The following DNAAF9 variants were observed in gnomAD, a reference collection of about 807,000 sequenced individuals.
The protein encoded by DNAAF9 is dynein axonemal assembly factor 9.
In DNAAF9, 90 loss-of-function variants were observed where a neutral mutation model predicts 167.0. The observed-to-expected ratio is 0.54, with a 90% CI of 0.45 to 0.64. DNAAF9 has a LOEUF of 0.64. DNAAF9 is among the 30% of genes least tolerant of loss of function. The pLI, the probability that DNAAF9 is intolerant of heterozygous loss-of-function variation, is 0.00. For synonymous variants in DNAAF9, 491 were observed against 508.8 expected (o/e 0.96, Z 0.47); for missense variants, 1,315 against 1,442.2 (o/e 0.91, Z 1.43).
chr20:3,393,650 G>C (rs2083859871), intron 1 of DNAAF9, among the ~76,000 whole-genome samples: 1 of 152,194 alleles, frequency 6.6e-6, no homozygotes, highest in Admixed American at 6.5e-5. Context: ...CAATGCTACG[G>C]TGAGCAACCT....
chr20:3,326,887 T>A (rs1055673748), intron 12 of DNAAF9, among the ~76,000 whole-genome samples: 3 of 152,140 alleles, frequency 2.0e-5, no homozygotes, highest in African/African-American at 7.2e-5. Flanking sequence ...AATAAAACTG[T>A]GTAGACTCCT....
At chr20:3,343,907 G>C (rs1212737989) in intron 8 of DNAAF9, among the ~76,000 whole-genome samples, 176 bp from the exon 9 acceptor site, 1 of 152,058 alleles carries the variant, frequency 6.6e-6, no homozygotes, top group Non-Finnish European at 1.5e-5. Flanking sequence ...CAGAAAGGGA[G>C]AGATGTTTGT....
intron 10 of DNAAF9, among the ~76,000 whole-genome samples, chr20:3,335,419 T>G (rs2069918365): frequency 6.6e-6 from 1 of 152,196 alleles, no homozygotes. Flanking sequence ...GCCACTTCCT[T>G]CTGGCCTTCA....
chr20:3,270,136 C>CTTT (rs56942768), intron 30 of DNAAF9, among the ~76,000 whole-genome samples: 1,777 of 125,418 alleles, frequency 0.014, 40 homozygotes, highest in African/African-American at 0.037. Context: ...GCCCAGCCTG[C>CTTT]TTTTTTTTTT....
chr20:3,400,159 T>C (rs975773221), intron 1 of DNAAF9, among the ~76,000 whole-genome samples: 1 of 152,254 alleles, frequency 6.6e-6, no homozygotes, highest in African/African-American at 2.4e-5. Context: ...CTGTTCTTTG[T>C]AAAGTCAGTT....
intron 20 of DNAAF9, among the ~76,000 whole-genome samples, chr20:3,307,369 T>C (rs115590059): frequency 5.3e-5 from 8 of 152,270 alleles, no homozygotes; most frequent in South Asian, 4.1e-4. Flanking sequence ...ACTCTGCCAT[T>C]ATTCTCAGAG....
At chr20:3,284,271 C>T (rs2122875017) in intron 27 of DNAAF9, among the ~76,000 whole-genome samples, 1 of 151,090 alleles carries the variant, frequency 6.6e-6, no homozygotes, top group East Asian at 2.0e-4. Context: ...AACTCTGCCT[C>T]CCAGGCTCAA....
chr20:3,346,819 T>C (rs1029004712), intron 8 of DNAAF9, among the ~76,000 whole-genome samples: 8 of 151,952 alleles, frequency 5.3e-5, no homozygotes, highest in Non-Finnish European at 1.0e-4. Context: ...AGAATCATAG[T>C]AATAGAAGAA....
chr20:3,294,580 C>T lies in DNAAF9; in HGVS notation c.2068G>A (p.Glu690Lys), dbSNP rs759067807. The change falls in exon 24 of 37, where the codon GAG (glutamate) becomes AAG (lysine). Residue 690 changes from glutamate to lysine, a missense_variant. Glu to Lys is a moderately conservative substitution (Grantham distance 56). This residue lies in a region of DNAAF9 where 981 missense variants were observed against 1,012.5 expected (regional missense o/e 0.97). Coordinates refer to ENST00000252032, the MANE Select transcript of DNAAF9 (RefSeq NM_001009984.3). The stretch of plus-strand genomic sequence containing the variant: ...AGTAACTTTAGGGAACTCCGTTTCT[C>T]CCCAGCAGGCTGGCTCAGGGCACTG... ...LFSALSQPAG[E>K]KRSSLKLLSA... 1 of 1,613,910 alleles carries T rather than the reference C, an allele frequency of 6.2e-7. No individual in the cohort carries two copies. Among genetic ancestry groups the T allele is most frequent in the Non-Finnish European group, 8.5e-7 (1 of 1,179,798 alleles).
At chr20:3,366,664 C>A (rs192023408) in intron 6 of DNAAF9, among the ~76,000 whole-genome samples, 1 of 152,190 alleles carries the variant, frequency 6.6e-6, no homozygotes, top group Non-Finnish European at 1.5e-5. Flanking sequence ...GTGGCTCACA[C>A]ATGTAATCCC....
At chr20:3,311,718 A>G (rs1459120393) in intron 20 of DNAAF9, among the ~76,000 whole-genome samples, 1 of 152,244 alleles carries the variant, frequency 6.6e-6, no homozygotes, top group Non-Finnish European at 1.5e-5. Flanking sequence ...TTATGATTCT[A>G]TTTGTATTAA....
intron 10 of DNAAF9, 43 bp downstream of exon 10, chr20:3,340,461 T>A: frequency 4.0e-6 from 1 of 252,700 alleles, no homozygotes; most frequent in Non-Finnish European, 7.2e-6. Flanking sequence ...CCCCACAACT[T>A]GATAATAAAA....
chr20:3,384,560 T>C (rs1307285706), intron 1 of DNAAF9: 1 of 149,454 alleles, frequency 6.7e-6, no homozygotes, highest in African/African-American at 2.5e-5. Flanking sequence ...TTTAAAGAGA[T>C]GGGGTCTCAT....
Position 3,407,524 on chromosome 20 carries a change from G to T in DNAAF9, c.34C>A (p.Pro12Thr). ...GAGCCGCCAGGGGACCGAGCGCGGG[G>T]CAGCCCCTGCCGGCGCGGGGGGTAC... Reference protein sequence around the residue: ...DVYPPRRQGLPRARSPGGSSR... With the variant: ...DVYPPRRQGLTRARSPGGSSR... Residue 12 changes from proline to threonine, a missense_variant, in exon 1 of 37, where the codon CCC becomes ACC. By Grantham distance (38) the Pro-to-Thr change is conservative (BLOSUM62 -1). This residue lies in a region of DNAAF9 where 981 missense variants were observed against 1,012.5 expected (regional missense o/e 0.97). Coordinates refer to ENST00000252032, the MANE Select transcript of DNAAF9 (RefSeq NM_001009984.3). 1.6e-6 allele frequency: 2 copies of T among 1,263,778 alleles called. No individual in the cohort carries two copies. Among genetic ancestry groups the T allele is most frequent in the Non-Finnish European group, 2.0e-6 (2 of 1,008,502 alleles). 78.3% of individuals were successfully genotyped at this position (1,263,778 alleles called of 1,614,324 possible). A position where few individuals can be genotyped will look rare whatever the true frequency, so the allele number is the denominator to read the frequency against.
At chr20:3,394,949 CTTTTTTTTTTTTTTTTT>C (rs10522445) in intron 1 of DNAAF9, among the ~76,000 whole-genome samples, 18 of 102,126 alleles carry the variant, frequency 1.8e-4, no homozygotes, top group East Asian at 9.2e-4. Flanking sequence ...TTTCTTTTTT[CTTTTTTTTTTTTTTTTT>C]TTTTTTTTTT....
chr20:3,403,159 A>C (rs565946212), intron 1 of DNAAF9, among the ~76,000 whole-genome samples: 57 of 152,034 alleles, frequency 3.7e-4, no homozygotes, highest in Admixed American at 1.2e-3. Flanking sequence ...CCTCCATCCT[A>C]CTTCAGCTAT....
intron 1 of DNAAF9, among the ~76,000 whole-genome samples, chr20:3,396,325 C>CT (rs899292957): frequency 3.4e-4 from 52 of 152,254 alleles, no homozygotes; most frequent in African/African-American, 1.2e-3. Context: ...TTCTCTCTTC[C>CT]TTTTTTTATT....
intron 21 of DNAAF9, among the ~76,000 whole-genome samples, chr20:3,303,147 C>T (rs968243943): frequency 6.6e-6 from 1 of 151,232 alleles, no homozygotes; most frequent in Non-Finnish European, 1.5e-5. Flanking sequence ...GAGGCTGACG[C>T]GGGAGAATGG....
chr20:3,355,928 T>C (rs1169773866), intron 7 of DNAAF9, among the ~76,000 whole-genome samples: 4 of 152,214 alleles, frequency 2.6e-5, no homozygotes, highest in Non-Finnish European at 5.9e-5. Context: ...AATTTTTGTT[T>C]TAAGCTAATT....
Sources: allele counts gnomAD v4.1 joint callset (sites outside exome capture counted in the v4.1 genomes callset), GRCh38; gene constraint gnomAD v4.1.1; regional missense constraint gnomAD v4.1.1; transcripts MANE v1.5; gene names NCBI Gene and HGNC (gene_info 2026-07-23, HGNC 2026-07-21).